Variants in SGSM1 observed in about 807,000 individuals in gnomAD.
SGSM1 encodes the protein small G protein signaling modulator 1, also known as RUN and TBC1 domain containing 2.
In SGSM1, 73 loss-of-function variants were observed where a neutral mutation model predicts 133.8. The observed-to-expected ratio is 0.55, with a 90% confidence interval of 0.45 to 0.66. SGSM1 has a LOEUF of 0.66. Ranked by LOEUF, SGSM1 falls within the 30% of genes least tolerant of loss-of-function variation. The probability of loss-of-function intolerance (pLI) is 0.00; values close to 1 mark genes in which losing one functional copy is unlikely to be tolerated. For synonymous variants in SGSM1, 563 were observed against 573.0 expected (o/e 0.98, Z 0.25); for missense variants, 1,213 against 1,448.1 (o/e 0.84, Z 2.64).
chr22:24,898,728 G>A (rs1008734209), intron 19 of SGSM1, among the ~76,000 whole-genome samples, 169 bp downstream of exon 19: 3 of 151,924 alleles, frequency 2.0e-5, no homozygotes, highest in African/African-American at 7.2e-5. Context: ...AGAAGATAAC[G>A]TAGCATTTAA....
Position 24,893,518 on chromosome 22 carries a change from T to A in SGSM1, c.1858T>A (p.Ser620Thr), listed in dbSNP as rs1267434960. Residue 620 changes from serine (S) to threonine (T), a missense_variant, in exon 17 of 25, where the codon TCC becomes ACC. Ser to Thr is a moderately conservative substitution (Grantham distance 58). Coordinates refer to ENST00000400358, the MANE Select transcript of SGSM1 (RefSeq NM_001098497.3). ...GATCGTGCGGCAGAGGGAGCGGGAG[T>A]CCCATGCGGCCGCCCTGGCCAAATG... is the stretch of plus-strand genomic sequence containing the variant. Reference protein sequence around the residue: ...EAIVRQRERESHAAALAKCSS... With the variant: ...EAIVRQRERETHAAALAKCSS... 1 of 1,612,220 alleles carries A rather than the reference T, an allele frequency of 6.2e-7. No individual in the cohort carries two copies. Among genetic ancestry groups the A allele is most frequent in the East Asian group, 2.2e-5 (1 of 44,774 alleles).
chr22:24,858,302 A>G (rs761963645), intron 8 of SGSM1, among the ~76,000 whole-genome samples: 1 of 152,130 alleles, frequency 6.6e-6, no homozygotes, highest in African/African-American at 2.4e-5. Flanking sequence ...TAAGTCCTGT[A>G]AAGTATTTGG....
chr22:24,924,349 A>T lies in SGSM1; in HGVS notation c.*75A>T, dbSNP rs1393010700. On this transcript the variant is annotated 3_prime_UTR_variant, in exon 25 of 25. Transcript: ENST00000400358. ...TCTGCTTACTTTTCCTCCTGGCTGG[A>T]TGGGCACCCCGGGAGCGGGGTCCTG... 9 of 1,362,118 alleles carry T rather than the reference A, an allele frequency of 6.6e-6. No homozygotes were observed. Among genetic ancestry groups the T allele is most frequent in the Non-Finnish European group, 8.3e-6 (8 of 960,534 alleles). The allele number at this position is 1,362,118 out of a possible 1,614,324, so 84.4% of individuals were successfully genotyped here.
At chr22:24,858,635 C>CAAAAAAAAAAAAAAAAA (rs139699) in intron 8 of SGSM1, among the ~76,000 whole-genome samples, 9 of 83,028 alleles carry the variant, frequency 1.1e-4, no homozygotes, top group African/African-American at 3.2e-4. Context: ...GACTCCATCT[C>CAAAAAAAAAAAAAAAAA]AAAAAAAAAA....
At chr22:24,876,911 C>T (rs909078477) in intron 13 of SGSM1, among the ~76,000 whole-genome samples, 196 bp downstream of exon 13, 6 of 152,196 alleles carry the variant, frequency 3.9e-5, no homozygotes, top group African/African-American at 1.4e-4. Context: ...GGTTATGCTG[C>T]AGTAACAAAC....
chr22:24,840,640 G>A (rs1371787814), intron 2 of SGSM1, among the ~76,000 whole-genome samples: 2 of 152,158 alleles, frequency 1.3e-5, no homozygotes, highest in East Asian at 1.9e-4. Flanking sequence ...ACCATGCCCA[G>A]CCTAATCTTT....
At chr22:24,814,119 C>T (rs931350560) in intron 2 of SGSM1, 16 of 152,222 alleles carry the variant, frequency 1.1e-4, no homozygotes, top group African/African-American at 3.4e-4. Context: ...TCTCTGAGAG[C>T]CAAGTCTTTG....
chr22:24,893,642 G>A (rs145583509), intron 17 of SGSM1, 29 bp downstream of exon 17: 9 of 1,528,034 alleles, frequency 5.9e-6, no homozygotes, highest in South Asian at 5.2e-5. Flanking sequence ...CGGGGAGCGC[G>A]GGGGCTGGGG....
intron 24 of SGSM1, among the ~76,000 whole-genome samples, chr22:24,923,213 A>G (rs1040512206): frequency 5.3e-5 from 8 of 152,192 alleles, no homozygotes; most frequent in Non-Finnish European, 1.0e-4. Context: ...CTAACAGTTG[A>G]CATGGTGCTC....
At position 24,841,102 on chromosome 22, in the gene SGSM1, G is replaced by C. The variant is rs566722659; in HGVS notation, c.64-3795G>C. Reference sequence around the variant, plus strand: ...CCTGACCTTGTGATCCGCCCGCCTTGGCCTCCCAAAGTGCTGGGATTACAG... The same window carrying C: ...CCTGACCTTGTGATCCGCCCGCCTTCGCCTCCCAAAGTGCTGGGATTACAG... On this transcript the variant is annotated intron_variant, in intron 2 of 24. Coordinates refer to ENST00000400358, the MANE Select transcript of SGSM1 (RefSeq NM_001098497.3). 1.3e-4 allele frequency among the ~76,000 whole-genome samples: 19 copies of C among 151,200 alleles called. No individual in the cohort carries two copies. In the East Asian group the frequency reaches 3.5e-3, roughly 28 times the overall value.
chr22:24,856,014 T>C (rs1025211858), intron 8 of SGSM1: 3 of 462,362 alleles, frequency 6.5e-6, no homozygotes, highest in Non-Finnish European at 1.3e-5. Flanking sequence ...TCTTTACATC[T>C]ATCCATCCAT....
At chr22:24,851,710 C>T (rs1930495689) in intron 5 of SGSM1, among the ~76,000 whole-genome samples, 2 of 152,084 alleles carry the variant, frequency 1.3e-5, no homozygotes, top group African/African-American at 4.8e-5. Flanking sequence ...GGCGTGGTGG[C>T]GTTGATAATT....
chr22:24,895,580 T>C (rs1460028869), intron 18 of SGSM1, among the ~76,000 whole-genome samples: 1 of 152,226 alleles, frequency 6.6e-6, no homozygotes, highest in Non-Finnish European at 1.5e-5. Context: ...ATGAGTTTGC[T>C]GTGTTCCTTT....
chr22:24,855,537 A>G lies in SGSM1; in HGVS notation c.670-12A>G, dbSNP rs150456163. The G allele has an allele frequency of 6.2e-7, 1 of 1,613,464 alleles. No homozygotes were observed. Among genetic ancestry groups the G allele is most frequent in the South Asian group, 1.1e-5 (1 of 91,028 alleles). On this transcript the variant is annotated splice_polypyrimidine_tract_variant and intron_variant, in intron 7 of 24. Coordinates refer to ENST00000400358, the MANE Select transcript of SGSM1 (RefSeq NM_001098497.3). ...AGGCCTCATCCCTCTGTCTCCCGTC[A>G]CTCTCTACCAGATCCAGAAGAGGCA...
intron 2 of SGSM1, among the ~76,000 whole-genome samples, chr22:24,812,027 G>A (rs1009329545): frequency 3.3e-5 from 5 of 151,680 alleles, no homozygotes; most frequent in South Asian, 2.1e-4. Flanking sequence ...AAAATTAGCC[G>A]GGTGTGGTAG....
intron 2 of SGSM1, among the ~76,000 whole-genome samples, chr22:24,837,891 A>G (rs1929558982): frequency 6.6e-6 from 1 of 152,236 alleles, no homozygotes; most frequent in Non-Finnish European, 1.5e-5. Context: ...ATGATTAATG[A>G]TATTCATATA....
At chr22:24,828,497 A>T (rs1338815810) in intron 2 of SGSM1, among the ~76,000 whole-genome samples, 4 of 152,228 alleles carry the variant, frequency 2.6e-5, no homozygotes, top group Non-Finnish European at 2.9e-5. Context: ...GCAGCCAACA[A>T]GCACATGAAA....
intron 2 of SGSM1, 162 bp from the exon 3 acceptor site, chr22:24,844,734 CT>C: frequency 3.4e-6 from 2 of 594,626 alleles, no homozygotes. Flanking sequence ...GGCCTCAGAC[CT>C]CCAAAAGACA....
rs1422432867 is a variant in SGSM1 at position 24,881,211 on chromosome 22, A to G, written c.1495+1685A>G. On this transcript the variant is annotated intron_variant, in intron 14 of 24. Transcript: ENST00000400358. ...CCGTCTCAAAAAAAAAAAAAAAAAA[A>G]AGATGGAGATAATAATAGTAACTAA... 3.4e-4 allele frequency among the ~76,000 whole-genome samples: 48 copies of G among 140,424 alleles called. 4 individuals are homozygous for G. Among genetic ancestry groups the G allele is most frequent in the African/African-American group, 1.3e-3 (47 of 37,540 alleles). 92.1% of individuals were successfully genotyped at this position (140,424 alleles called of 152,430 possible).
Sources: gnomAD v4.1 joint callset for allele counts (sites outside exome capture counted in the v4.1 genomes callset) on GRCh38, gnomAD v4.1.1 for gene constraint, MANE v1.5 for transcripts, NCBI Gene and HGNC (gene_info 2026-07-23, HGNC 2026-07-21) for gene names.